SIL1: variants seen among roughly 807,000 people sequenced by gnomAD.
SIL1 encodes nucleotide exchange factor SIL1.
A neutral mutation model predicts 49.1 loss-of-function variants in SIL1; 40 were observed. That is an observed-to-expected ratio of 0.81 (90% CI 0.63 to 1.06). The LOEUF is 1.06. Among genes scored for constraint, SIL1 ranks in the 50% least tolerant of loss-of-function variants. The pLI is 0.00. For synonymous variants in SIL1, 253 were observed against 250.8 expected, an observed-to-expected ratio of 1.01 and a Z score of -0.08; for missense variants, 500 against 572.6, an observed-to-expected ratio of 0.87 and a Z score of 1.29.
Position 139,081,076 on chromosome 5 carries a change from C to T in SIL1, c.245-30030G>A, listed in dbSNP as rs1013165962. ...ATTAACCACTGTTATCGCAATATGG[C>T]GTCAATGTTGATCCACGTGATAAAT... is the stretch of plus-strand genomic sequence containing the variant. On this transcript the variant is annotated intron_variant, in intron 3 of 9. Coordinates refer to ENST00000394817, the MANE Select transcript of SIL1 (RefSeq NM_022464.5). 3.9e-5 allele frequency among the ~76,000 whole-genome samples: 6 copies of T among 152,224 alleles called. No individual in the cohort carries two copies. In the South Asian group the frequency reaches 1.2e-3, roughly 32 times the overall value.
intron 4 of SIL1, 99 bp from the exon 5 acceptor site, chr5:139,042,818 C>T: frequency 1.9e-6 from 2 of 1,035,614 alleles, no homozygotes; most frequent in Admixed American, 1.7e-5. Context: ...TGGAAGGATA[C>T]CAAGATCCCA....
At chr5:139,127,682 G>A in intron 2 of SIL1, 57 bp downstream of exon 2, 1 of 1,373,672 alleles carries the variant, frequency 7.3e-7, no homozygotes, top group Non-Finnish European at 1.0e-6. Context: ...CTGGTGACAG[G>A]GAGGCCTTCT....
intron 7 of SIL1, among the ~76,000 whole-genome samples, chr5:138,998,852 C>CTTTTTTTT (rs35074969): frequency 2.0e-5 from 2 of 98,806 alleles, no homozygotes; most frequent in African/African-American, 8.6e-5. Context: ...ATTATCTTTC[C>CTTTTTTTT]TTTTTTTTTT....
chr5:139,162,227 C>T (rs961218468), intron 1 of SIL1, among the ~76,000 whole-genome samples: 17 of 152,216 alleles, frequency 1.1e-4, no homozygotes, highest in African/African-American at 3.9e-4. Flanking sequence ...GCCACCCACT[C>T]ACATTCTGTG....
intron 6 of SIL1, 83 bp from the exon 7 acceptor site, chr5:139,021,375 C>G (rs1768523784): frequency 3.2e-6 from 5 of 1,564,596 alleles, no homozygotes; most frequent in Non-Finnish European, 8.7e-7. Flanking sequence ...GGTGACTACC[C>G]AAAAACAAAT....
chr5:139,037,347 A>G (rs1377976487), intron 5 of SIL1, among the ~76,000 whole-genome samples: 6 of 152,160 alleles, frequency 3.9e-5, no homozygotes, highest in Non-Finnish European at 8.8e-5. Flanking sequence ...ACCTGGATTC[A>G]CTGGATTCAC....
At chr5:139,040,498 C>CTT (rs11312366) in intron 5 of SIL1, among the ~76,000 whole-genome samples, 2 of 105,328 alleles carry the variant, frequency 1.9e-5, no homozygotes, top group African/African-American at 3.6e-5. Flanking sequence ...TTTCTTTTTT[C>CTT]TTTTTTTTTT....
chr5:138,951,937 A>T, intron 7 of SIL1, 53 bp from the exon 8 acceptor site: 1 of 1,501,116 alleles, frequency 6.7e-7, no homozygotes, highest in South Asian at 1.1e-5. Context: ...CAGGGATCGG[A>T]TGGTCAGGGA....
intron 7 of SIL1, among the ~76,000 whole-genome samples, chr5:138,954,963 A>C (rs1766870648): frequency 6.6e-6 from 1 of 152,246 alleles, no homozygotes; most frequent in African/African-American, 2.4e-5. Flanking sequence ...CAGTAGGCTC[A>C]CTACACAAAG....
At chr5:138,957,734 T>C (rs750404568) in intron 7 of SIL1, among the ~76,000 whole-genome samples, 2 of 152,148 alleles carry the variant, frequency 1.3e-5, no homozygotes, top group African/African-American at 2.4e-5. Context: ...TTGAGAGTAA[T>C]TGAAGATATG....
At chr5:139,080,287 A>G (rs1213747930) in intron 3 of SIL1, among the ~76,000 whole-genome samples, 1 of 152,242 alleles carries the variant, frequency 6.6e-6, no homozygotes, top group Admixed American at 6.5e-5. Flanking sequence ...CAAATGGATC[A>G]TTCCACAGAA....
chr5:139,159,144 T>C (rs920189091), intron 1 of SIL1, among the ~76,000 whole-genome samples: 4 of 150,668 alleles, frequency 2.7e-5, no homozygotes, highest in Admixed American at 2.6e-4. Context: ...TAGCAGCACA[T>C]GCGCAAAACA....
intron 1 of SIL1, among the ~76,000 whole-genome samples, chr5:139,179,995 G>T (rs1335120046): frequency 3.3e-5 from 5 of 150,694 alleles, no homozygotes; most frequent in Non-Finnish European, 7.4e-5. Flanking sequence ...AGTCGAGGCT[G>T]CAGTGAGCCA....
At chr5:139,124,432 CA>C (rs1750714850) in intron 2 of SIL1, among the ~76,000 whole-genome samples, 1 of 152,166 alleles carries the variant, frequency 6.6e-6, no homozygotes, top group Non-Finnish European at 1.5e-5. Flanking sequence ...GACACAAACA[CA>C]AAACCTGTAC....
chr5:139,095,476 G>A (rs11741105), intron 3 of SIL1, among the ~76,000 whole-genome samples: 40,429 of 151,958 alleles, frequency 0.27, 6,155 homozygotes, highest in Middle Eastern at 0.4. Flanking sequence ...TGGCCACGCT[G>A]GTCTTGAACT....
chr5:139,078,546 G>A (rs1331963299), intron 3 of SIL1, among the ~76,000 whole-genome samples: 1 of 152,170 alleles, frequency 6.6e-6, no homozygotes, highest in Non-Finnish European at 1.5e-5. Context: ...CAGAACAGCA[G>A]GAGAAGGCAA....
rs951773694 is a variant in SIL1 at position 139,008,920 on chromosome 5, G to A, written c.767+12251C>T. Among the ~76,000 whole-genome samples, 10 of 151,648 alleles carry A rather than the reference G, an allele frequency of 6.6e-5. No individual in the cohort carries two copies. In the South Asian group the frequency reaches 1.2e-3, roughly 19 times the overall value. ...TTTGGAATAGGTGTGGTGTGGTGCTGAAAAAAATGTATATTCTGTTGATTT... is the reference window on the plus strand; with the variant it reads ...TTTGGAATAGGTGTGGTGTGGTGCTAAAAAAAATGTATATTCTGTTGATTT... On this transcript the variant is annotated intron_variant, in intron 7 of 9. Coordinates refer to ENST00000394817, the MANE Select transcript of SIL1 (RefSeq NM_022464.5).
intron 7 of SIL1, among the ~76,000 whole-genome samples, chr5:138,991,874 T>G (rs1767767968): frequency 6.6e-6 from 1 of 152,146 alleles, no homozygotes; most frequent in South Asian, 2.1e-4. Flanking sequence ...AGGGGCTTGA[T>G]CCAAAAAATG....
intron 3 of SIL1, among the ~76,000 whole-genome samples, chr5:139,060,341 A>C (rs1197169297): frequency 6.6e-6 from 1 of 151,816 alleles, no homozygotes; most frequent in African/African-American, 2.4e-5. Flanking sequence ...ATTCATTCCA[A>C]TGGTCCCGAA....
Sources: allele counts gnomAD v4.1 joint callset (sites outside exome capture counted in the v4.1 genomes callset), GRCh38; gene constraint gnomAD v4.1.1; transcripts MANE v1.5; gene names NCBI Gene and HGNC (gene_info 2026-07-23, HGNC 2026-07-21).